The following TCF4 variants were observed in gnomAD, a reference collection of about 807,000 sequenced individuals.
TCF4 encodes SL3-3 enhancer factor 2.
In TCF4, 3 loss-of-function variants were observed where a neutral mutation model predicts 82.1. The ratio of observed to expected loss-of-function variants is 0.04; its 90% CI spans 0.02 to 0.09. TCF4 has a LOEUF of 0.09. Ranked by LOEUF, TCF4 falls within the 10% of genes least tolerant of loss-of-function variation. The pLI is 1.00. For synonymous variants in TCF4, 276 were observed against 309.6 expected (o/e 0.89, Z 1.14); for missense variants, 518 against 852.7 (o/e 0.61, Z 4.89).
At chr18:55,620,536 A>G (rs1381170768) in intron 2 of TCF4, among the ~76,000 whole-genome samples, 1 of 152,124 alleles carries the variant, frequency 6.6e-6, no homozygotes, top group Non-Finnish European at 1.5e-5. Flanking sequence ...GTACTTTGCT[A>G]AATACCTTTT....
intron 8 of TCF4, among the ~76,000 whole-genome samples, chr18:55,285,514 T>A (rs2063489312): frequency 6.6e-6 from 1 of 152,246 alleles, no homozygotes; most frequent in Non-Finnish European, 1.5e-5. Context: ...TAATATGTAG[T>A]TATTTGAATT....
At position 55,321,093 on chromosome 18, in the gene TCF4, A is replaced by G. The variant is rs534615483; in HGVS notation, c.549+29266T>C. Among the ~76,000 whole-genome samples, 401 of 152,276 alleles carry G rather than the reference A, an allele frequency of 2.6e-3. 2 individuals carry two copies. The highest frequency in any genetic ancestry group is 5.2e-3 in the Non-Finnish European group (352 of 68,018). Reference sequence around the variant, plus strand: ...CCTTCCCCATTTTGGCTTTAAATATATATCTAAGCTTATATAATCTACTCC... The same window carrying G: ...CCTTCCCCATTTTGGCTTTAAATATGTATCTAAGCTTATATAATCTACTCC... On this transcript the variant is annotated intron_variant, in intron 8 of 19. Coordinates refer to ENST00000354452, the MANE Select transcript of TCF4 (RefSeq NM_001083962.2).
At chr18:55,324,700 C>A (rs552581010) in intron 8 of TCF4, among the ~76,000 whole-genome samples, 1 of 152,076 alleles carries the variant, frequency 6.6e-6, no homozygotes, top group African/African-American at 2.4e-5. Context: ...CCATGCCCAG[C>A]CTTGTTATCG....
chr18:55,596,239 C>A (rs2097690853), intron 2 of TCF4: 3 of 325,404 alleles, frequency 9.2e-6, no homozygotes, highest in Non-Finnish European at 1.8e-5. Context: ...GGAAAAAAAT[C>A]AGCACATGGA....
chr18:55,318,258 A>G (rs992156202), intron 8 of TCF4, among the ~76,000 whole-genome samples: 4 of 152,106 alleles, frequency 2.6e-5, no homozygotes, highest in Non-Finnish European at 5.9e-5. Context: ...AAGAAGCCAT[A>G]AAGATCAAAA....
At chr18:55,536,243 C>T (rs777956204) in intron 3 of TCF4, among the ~76,000 whole-genome samples, 1 of 152,124 alleles carries the variant, frequency 6.6e-6, no homozygotes, top group Non-Finnish European at 1.5e-5. Context: ...ATTAATAAAT[C>T]AATATTTTCC....
At chr18:55,635,535 A>G (rs191089566) in intron 1 of TCF4, among the ~76,000 whole-genome samples, 32 of 152,108 alleles carry the variant, frequency 2.1e-4, no homozygotes, top group Middle Eastern at 3.4e-3. Flanking sequence ...AAGAAAAAGA[A>G]AAAAAGAAAA....
chr18:55,246,510 G>A (rs1456478633), intron 15 of TCF4, among the ~76,000 whole-genome samples: 1 of 152,020 alleles, frequency 6.6e-6, no homozygotes, highest in East Asian at 1.9e-4. Flanking sequence ...TTCACATATG[G>A]GCATGCACAG....
At chr18:55,293,157 A>G (rs1240480333) in intron 8 of TCF4, among the ~76,000 whole-genome samples, 2 of 152,098 alleles carry the variant, frequency 1.3e-5, no homozygotes, top group African/African-American at 2.4e-5. Context: ...ACAAAATAAC[A>G]CACAGTAGTG....
intron 4 of TCF4, among the ~76,000 whole-genome samples, chr18:55,463,624 G>A (rs2144868369): frequency 6.6e-6 from 1 of 152,260 alleles, no homozygotes; most frequent in African/African-American, 2.4e-5. Context: ...TATACTGGTA[G>A]GATAGAACTT....
At chr18:55,412,354 T>TC (rs1268412924) in intron 5 of TCF4, among the ~76,000 whole-genome samples, 3 of 151,964 alleles carry the variant, frequency 2.0e-5, no homozygotes, top group Non-Finnish European at 4.4e-5. Flanking sequence ...AGGCTGTTTT[T>TC]TTTTTTTTTA....
At chr18:55,257,660 G>T (rs932027995) in intron 13 of TCF4, among the ~76,000 whole-genome samples, 1 of 152,304 alleles carries the variant, frequency 6.6e-6, no homozygotes, top group South Asian at 2.1e-4. Context: ...ATTTTGGTAA[G>T]AAGGGTTCCT....
At chr18:55,469,288 A>G (rs553527144) in intron 3 of TCF4, among the ~76,000 whole-genome samples, 1 of 151,840 alleles carries the variant, frequency 6.6e-6, no homozygotes, top group Admixed American at 6.6e-5. Flanking sequence ...AAATGGTGAG[A>G]CCCCATCTCT....
At chr18:55,282,568 T>C (rs1274337710) in intron 8 of TCF4, among the ~76,000 whole-genome samples, 8 of 152,100 alleles carry the variant, frequency 5.3e-5, no homozygotes, top group Non-Finnish European at 1.0e-4. Flanking sequence ...GAAAAGCTCA[T>C]ACCCATTCAG....
intron 10 of TCF4, among the ~76,000 whole-genome samples, chr18:55,273,456 GAC>G (rs1483458191): frequency 2.0e-5 from 3 of 152,010 alleles, no homozygotes; most frequent in Non-Finnish European, 4.4e-5. Flanking sequence ...CAACTGAAAG[GAC>G]ACCAACTGCT....
intron 3 of TCF4, among the ~76,000 whole-genome samples, chr18:55,500,862 G>A (rs1004571610): frequency 6.6e-6 from 1 of 152,138 alleles, no homozygotes; most frequent in Admixed American, 6.5e-5. Flanking sequence ...TCAAATAACA[G>A]GGCAGCAATG....
chr18:55,464,545 TAA>T (rs2095963349), intron 3 of TCF4, among the ~76,000 whole-genome samples: 2 of 152,236 alleles, frequency 1.3e-5, no homozygotes, highest in South Asian at 4.1e-4. Flanking sequence ...ATCCTCGCCA[TAA>T]TGCTCTTGGA....
intron 8 of TCF4, chr18:55,321,961 G>A (rs1249827926): frequency 3.0e-6 from 4 of 1,324,250 alleles, no homozygotes; most frequent in African/African-American, 1.5e-5. Context: ...AGGCAGCCCG[G>A]CCCTGATGGA....
chr18:55,362,653 T>C (rs1248501956), intron 6 of TCF4, among the ~76,000 whole-genome samples: 2 of 152,228 alleles, frequency 1.3e-5, no homozygotes, highest in Non-Finnish European at 2.9e-5. Flanking sequence ...AAAGATGCTG[T>C]TAAAATAACA....
Sources: allele counts gnomAD v4.1 joint callset (sites outside exome capture counted in the v4.1 genomes callset), GRCh38; gene constraint gnomAD v4.1.1; transcripts MANE v1.5; gene names NCBI Gene and HGNC (gene_info 2026-07-23, HGNC 2026-07-21).